The following APMAP variants were observed in gnomAD, a reference collection of about 807,000 sequenced individuals.
APMAP encodes the protein adipocyte plasma membrane-associated protein.
APMAP carries 33 observed loss-of-function variants against 43.6 expected under a neutral mutation model. That is an observed-to-expected ratio of 0.76 (90% CI 0.57 to 1.01). The LOEUF (loss-of-function observed/expected upper bound fraction) is 1.01, where lower values mean the gene tolerates loss of function less well. Among genes scored for constraint, APMAP ranks in the 50% least tolerant of loss-of-function variants. The pLI, the probability that APMAP is intolerant of heterozygous loss-of-function variation, is 0.00. For missense variants in APMAP, 498 were observed against 540.7 expected (o/e 0.92, Z 0.78); for synonymous variants, 224 against 216.7 (o/e 1.03, Z -0.30).
intron 5 of APMAP, 21 bp from the exon 6 acceptor site, chr20:24,970,392 A>G (rs780075583): frequency 2.4e-5 from 39 of 1,595,668 alleles, no homozygotes; most frequent in Non-Finnish European, 3.2e-5. Context: ...AAAAGAAAGA[A>G]AAAGATTGAC....
intron 8 of APMAP, among the ~76,000 whole-genome samples, 187 bp from the exon 9 acceptor site, chr20:24,964,209 GCCCCA>G: frequency 6.6e-6 from 1 of 152,256 alleles, no homozygotes; most frequent in South Asian, 2.1e-4. Flanking sequence ...CCCAAAGCAG[GCCCCA>G]CCCCACCCCT....
chr20:24,986,129 A>ACC (rs2088145371), intron 1 of APMAP, among the ~76,000 whole-genome samples: 1 of 152,216 alleles, frequency 6.6e-6, no homozygotes, highest in Non-Finnish European at 1.5e-5. Flanking sequence ...GGCAGTGTTA[A>ACC]CCACTGCCTT....
At position 24,963,592 on chromosome 20, in the gene APMAP, A is replaced by G; in HGVS notation, c.*221T>C. ...GGCTTTACATGAATTTATGTTCCTCATGGCAGATATGTTACACTTCCCTCT... is the reference window on the plus strand; with the variant it reads ...GGCTTTACATGAATTTATGTTCCTCGTGGCAGATATGTTACACTTCCCTCT... On this transcript the variant is annotated 3_prime_UTR_variant, in exon 9 of 9. Transcript: ENST00000217456. 1.7e-6 allele frequency: 1 copy of G among 577,036 alleles called. No individual in the cohort carries two copies. Among genetic ancestry groups the G allele is most frequent in the Non-Finnish European group, 3.1e-6 (1 of 323,514 alleles). The allele number at this position is 577,036 out of a possible 1,614,324, so 35.7% of individuals were successfully genotyped here.
chr20:24,967,031 C>T (rs1198318947), intron 8 of APMAP, among the ~76,000 whole-genome samples: 1 of 152,164 alleles, frequency 6.6e-6, no homozygotes, highest in East Asian at 1.9e-4. Context: ...TGGTGGCTCA[C>T]GCTTGTAATC....
chr20:24,976,270 G>A (rs2088049613), intron 3 of APMAP, among the ~76,000 whole-genome samples: 7 of 152,094 alleles, frequency 4.6e-5, no homozygotes, highest in Admixed American at 4.6e-4. Flanking sequence ...CCACAGACTG[G>A]AGAAAATATT....
At chr20:24,984,429 G>T (rs1269312832) in intron 1 of APMAP, among the ~76,000 whole-genome samples, 1 of 152,186 alleles carries the variant, frequency 6.6e-6, no homozygotes, top group Non-Finnish European at 1.5e-5. Context: ...CCGGTGTATG[G>T]ATTCAAAGCA....
At chr20:24,985,275 A>C (rs1373208864) in intron 1 of APMAP, among the ~76,000 whole-genome samples, 1 of 152,242 alleles carries the variant, frequency 6.6e-6, no homozygotes, top group Non-Finnish European at 1.5e-5. Context: ...TAAAGCAGAA[A>C]AGAAAAGAAA....
intron 3 of APMAP, among the ~76,000 whole-genome samples, chr20:24,975,440 T>TGC (rs1568814320): frequency 6.6e-6 from 1 of 152,170 alleles, no homozygotes; most frequent in African/African-American, 2.4e-5. Context: ...ATCCAAAAGA[T>TGC]TGGCATACTT....
intron 8 of APMAP, 51 bp downstream of exon 8, chr20:24,968,841 G>A: frequency 6.6e-7 from 1 of 1,512,660 alleles, no homozygotes; most frequent in Non-Finnish European, 8.9e-7. Context: ...AAAAAAATAT[G>A]ATTCAATTCA....
chr20:24,968,794 A>G (rs1328217123), intron 8 of APMAP, 98 bp downstream of exon 8: 2 of 1,230,880 alleles, frequency 1.6e-6, no homozygotes. Flanking sequence ...AGAGCCAAAT[A>G]CTACAAGCAG....
At chr20:24,992,242 AG>A (rs2088199561) in intron 1 of APMAP, among the ~76,000 whole-genome samples, 1 of 152,016 alleles carries the variant, frequency 6.6e-6, no homozygotes, top group Non-Finnish European at 1.5e-5. Flanking sequence ...GGACAGCGCG[AG>A]GGGAGCGAGG....
rs925065053 is a variant in APMAP, at chr20:24,971,678, T to A, written c.422-102A>T. ...ATCCATCCCTTCCCATACATCATGC[T>A]GTACAGAACAAGACAAGACCATGGC... On this transcript the variant is annotated intron_variant, in intron 4 of 8. Coordinates refer to ENST00000217456, the MANE Select transcript of APMAP (RefSeq NM_020531.3). 4.1e-6 allele frequency: 4 copies of A among 964,622 alleles called. No individual in the cohort carries two copies. The East Asian group carries it at 9.6e-5, about 23-fold the overall frequency. The allele number at this position is 964,622 out of a possible 1,614,324, so 59.8% of individuals were successfully genotyped here. A position where few individuals can be genotyped will look rare whatever the true frequency, so the allele number is the denominator to read the frequency against.
At chr20:24,964,119 C>G (rs1021026277) in intron 8 of APMAP, 97 bp from the exon 9 acceptor site, 7 of 1,270,550 alleles carry the variant, frequency 5.5e-6, no homozygotes, top group Non-Finnish European at 7.8e-6. Flanking sequence ...AACGGTCTGA[C>G]TCCTTCCCAT....
At chr20:24,983,712 T>C (rs6050232) in intron 2 of APMAP, among the ~76,000 whole-genome samples, 191 bp downstream of exon 2, 13,669 of 152,158 alleles carry the variant, frequency 0.09, 701 homozygotes, top group Middle Eastern at 0.12. Flanking sequence ...ACAGGGAAAA[T>C]ACCATGCATA....
intron 8 of APMAP, among the ~76,000 whole-genome samples, chr20:24,966,299 C>A (rs956893866): frequency 6.6e-6 from 1 of 152,222 alleles, no homozygotes; most frequent in African/African-American, 2.4e-5. Flanking sequence ...TCAATGATGA[C>A]TGTAACATAA....
intron 8 of APMAP, among the ~76,000 whole-genome samples, 171 bp from the exon 9 acceptor site, chr20:24,964,193 A>G (rs1016296475): frequency 1.3e-5 from 2 of 151,676 alleles, no homozygotes; most frequent in African/African-American, 4.8e-5. Context: ...CTCCCAGCCC[A>G]GGGGCCCCAA....
In APMAP at chr20:24,969,642, A is replaced by G. The variant is rs762297659; in HGVS notation, c.732T>C (p.Thr244=). The change falls in exon 7 of 9, where the codon ACT becomes ACC. Residue 244 remains threonine, a synonymous_variant. Transcript: ENST00000217456. ...ATAAAACTTTTACTTCCCTGGTCAC[A>G]GTATCATACTCCAGCAGGCTGTGGA... The part of the protein sequence containing the change: ...TDDGRLLEYD[T]VTREVKVLLD... The G allele has an allele frequency of 1.2e-6, 2 of 1,613,462 alleles. No homozygotes were observed. Among genetic ancestry groups the G allele is most frequent in the African/African-American group, 1.3e-5 (1 of 74,928 alleles).
chr20:24,964,975 G>A (rs551195905), intron 8 of APMAP, among the ~76,000 whole-genome samples: 45 of 152,120 alleles, frequency 3.0e-4, no homozygotes, highest in Non-Finnish European at 8.8e-5. Flanking sequence ...TTCGGCCGTG[G>A]ATCCTTCCCA....
At chr20:24,969,271 A>T (rs575129164) in intron 7 of APMAP, among the ~76,000 whole-genome samples, 187 bp from the exon 8 acceptor site, 91 of 152,334 alleles carry the variant, frequency 6.0e-4, no homozygotes, top group Non-Finnish European at 1.0e-3. Context: ...ACAGAGGGGA[A>T]GTAGGTCAGG....
Sources: allele counts gnomAD v4.1 joint callset (sites outside exome capture counted in the v4.1 genomes callset), GRCh38; gene constraint gnomAD v4.1.1; transcripts MANE v1.5; gene names NCBI Gene and HGNC (gene_info 2026-07-23, HGNC 2026-07-21).